Variants in LRRC58 observed in about 807,000 individuals in gnomAD.
The protein encoded by LRRC58 is leucine-rich repeat-containing protein 58.
A neutral mutation model predicts 30.6 loss-of-function variants in LRRC58; 18 were observed. The observed-to-expected ratio is 0.59, with a 90% CI of 0.41 to 0.87. LRRC58 has a LOEUF of 0.87. Among genes scored for constraint, LRRC58 ranks in the 40% least tolerant of loss-of-function variants. LRRC58 has a pLI of 0.00. For missense variants in LRRC58, 420 were observed against 468.4 expected (o/e 0.90, Z 0.95); for synonymous variants, 221 against 206.0 (o/e 1.07, Z -0.62).
intron 1 of LRRC58, among the ~76,000 whole-genome samples, chr3:120,346,226 C>T (rs1469749369): frequency 6.6e-6 from 1 of 152,082 alleles, no homozygotes; most frequent in Non-Finnish European, 1.5e-5. Context: ...CACTGCACTC[C>T]AGCCTGGGCA....
chr3:120,332,964 G>A (rs2107621793), intron 3 of LRRC58, among the ~76,000 whole-genome samples: 1 of 152,060 alleles, frequency 6.6e-6, no homozygotes, highest in East Asian at 1.9e-4. Flanking sequence ...TGCCTAGGCT[G>A]GTCTCAAACT....
In LRRC58 at chr3:120,324,761, A is replaced by G. The variant is rs1935650671; in HGVS notation, c.*6439T>C. 1 of 152,194 alleles carries G rather than the reference A, an allele frequency of 6.6e-6. No individual in the cohort carries two copies. The highest frequency in any genetic ancestry group is 2.1e-4 in the South Asian group (1 of 4,826). The allele number at this position is 152,194 out of a possible 1,614,324, so 9.4% of individuals were successfully genotyped here. On this transcript the variant is annotated 3_prime_UTR_variant, in exon 4 of 4. Coordinates refer to ENST00000295628, the MANE Select transcript of LRRC58 (RefSeq NM_001099678.2). ...TATTCTTTTAAGAGCATTTAGCATT[A>G]CAAGGCAATATATAAATTTGATATT...
intron 3 of LRRC58, 102 bp from the exon 4 acceptor site, chr3:120,331,510 T>C (rs958316378): frequency 1.2e-6 from 1 of 839,890 alleles, no homozygotes; most frequent in African/African-American, 1.7e-5. Context: ...TACACCATCT[T>C]CTGTTATGAA....
At chr3:120,345,745 C>T (rs1359615780) in intron 1 of LRRC58, among the ~76,000 whole-genome samples, 1 of 152,186 alleles carries the variant, frequency 6.6e-6, no homozygotes, top group African/African-American at 2.4e-5. Context: ...TAGCCTAAAC[C>T]TTTACCGATT....
intron 3 of LRRC58, among the ~76,000 whole-genome samples, chr3:120,332,564 TGG>T (rs1166036062): frequency 6.6e-6 from 1 of 152,208 alleles, no homozygotes; most frequent in Non-Finnish European, 1.5e-5. Context: ...TAAAGCATTA[TGG>T]GAGTTACTAC....
At chr3:120,341,940 C>T (rs899345666) in intron 1 of LRRC58, among the ~76,000 whole-genome samples, 1 of 152,126 alleles carries the variant, frequency 6.6e-6, no homozygotes, top group African/African-American at 2.4e-5. Flanking sequence ...CAGGCAGGAC[C>T]TGCCTTCCCG....
intron 1 of LRRC58, among the ~76,000 whole-genome samples, chr3:120,342,021 A>C (rs1935910174): frequency 6.6e-6 from 1 of 152,038 alleles, no homozygotes; most frequent in Non-Finnish European, 1.5e-5. Context: ...TGGGGGCCCC[A>C]GGAAGGATCC....
rs979354891 is a variant in LRRC58 at position 120,349,341 on chromosome 3, G to A, written c.-98C>T. On this transcript the variant is annotated 5_prime_UTR_variant, in exon 1 of 4. Transcript: ENST00000295628. ...CGGCGCCCCGGAACCTGAACCGAGG[G>A]CTGAGTCGGAAGTGGCGCGGGCGGG... 3 of 1,246,898 alleles carry A rather than the reference G, an allele frequency of 2.4e-6. No individual in the cohort carries two copies. The highest frequency in any genetic ancestry group is 3.2e-5 in the African/African-American group (2 of 63,216). The allele number at this position is 1,246,898 out of a possible 1,614,324, so 77.2% of individuals were successfully genotyped here.
rs1935817048 is a variant in LRRC58, at chr3:120,335,151, G to A, written c.630-12C>T. On this transcript the variant is annotated splice_polypyrimidine_tract_variant and intron_variant, in intron 2 of 3. Transcript: ENST00000295628. The stretch of plus-strand genomic sequence containing the variant: ...GAAGTGAATGTAACCTAGAATAAAT[G>A]TAGTAGAAAAATCAATGGCAGTAAA... The A allele has an allele frequency of 3.7e-6, 6 of 1,604,106 alleles. 1 individual carries two copies. The East Asian group carries it at 1.3e-4, about 36-fold the overall frequency.
At position 120,340,188 on chromosome 3, in the gene LRRC58, T is replaced by C. The variant is rs184336517; in HGVS notation, c.501-4235A>G. ...TTAGCAGTTTTAACTTCAGGATCTA[T>C]CCTCTATGTCTTAATATTTCTTTCA... On this transcript the variant is annotated intron_variant, in intron 1 of 3. Coordinates refer to ENST00000295628, the MANE Select transcript of LRRC58 (RefSeq NM_001099678.2). Among the ~76,000 whole-genome samples the C allele has an allele frequency of 5.0e-3, 766 of 152,334 alleles. 7 individuals carry two copies. The highest frequency in any genetic ancestry group is 0.014 in the Middle Eastern group (4 of 294).
At chr3:120,343,556 T>C (rs932193923) in intron 1 of LRRC58, among the ~76,000 whole-genome samples, 5 of 152,256 alleles carry the variant, frequency 3.3e-5, no homozygotes, top group African/African-American at 1.2e-4. Flanking sequence ...CATTAATATA[T>C]TGACCTTAAA....
chr3:120,338,576 G>C (rs1935864383), intron 1 of LRRC58, among the ~76,000 whole-genome samples: 1 of 152,212 alleles, frequency 6.6e-6, no homozygotes, highest in Non-Finnish European at 1.5e-5. Context: ...GACAGAAAAA[G>C]TTTCTCTTAG....
chr3:120,347,563 T>G (rs1314613087), intron 1 of LRRC58, among the ~76,000 whole-genome samples: 4 of 150,068 alleles, frequency 2.7e-5, no homozygotes, highest in Admixed American at 2.7e-4. Context: ...GGCTAATTTT[T>G]TGTATTTTTA....
At chr3:120,346,013 G>C (rs962799575) in intron 1 of LRRC58, among the ~76,000 whole-genome samples, 4 of 152,192 alleles carry the variant, frequency 2.6e-5, no homozygotes, top group Admixed American at 6.5e-5. Flanking sequence ...AACACTTTGG[G>C]AGGCAGAGGT....
At position 120,335,939 on chromosome 3, in the gene LRRC58, T is replaced by C. The variant is rs1302266313; in HGVS notation, c.515A>G (p.Tyr172Cys). Residue 172 changes from tyrosine (Y) to cysteine (C), a missense_variant, in exon 2 of 4, where the codon TAT becomes TGT. Physicochemically the swap from Tyr to Cys is radical, Grantham distance 194. Transcript: ENST00000295628. The stretch of plus-strand genomic sequence containing the variant: ...TTCTTTAATGAAATTTCCTCCAAGA[T>C]ATAAACACTCTAAACTGCAAAAATA... ...IENLQSLECLYLGGNFIKEIP... is the reference protein window; with the variant it reads ...IENLQSLECLCLGGNFIKEIP... The C allele has an allele frequency of 1.3e-6, 2 of 1,586,288 alleles. No individual in the cohort carries two copies. The highest frequency in any genetic ancestry group is 1.7e-6 in the Non-Finnish European group (2 of 1,156,604).
chr3:120,338,119 G>A (rs944043485), intron 1 of LRRC58, among the ~76,000 whole-genome samples: 39 of 152,152 alleles, frequency 2.6e-4, no homozygotes, highest in African/African-American at 8.7e-4. Flanking sequence ...CTGGGATTAC[G>A]GGCGTGAGCC....
At chr3:120,343,571 T>C (rs1373261566) in intron 1 of LRRC58, among the ~76,000 whole-genome samples, 1 of 152,212 alleles carries the variant, frequency 6.6e-6, no homozygotes, top group Non-Finnish European at 1.5e-5. Context: ...CTTAAAATTG[T>C]CTCTTGAAAA....
At position 120,329,283 on chromosome 3, in the gene LRRC58, G is replaced by A. The variant is rs141281821; in HGVS notation, c.*1917C>T. 209 of 152,208 alleles carry A rather than the reference G, an allele frequency of 1.4e-3. 1 individual carries two copies. The highest frequency in any genetic ancestry group is 4.9e-3 in the African/African-American group (204 of 41,552). The allele number at this position is 152,208 out of a possible 1,614,324, so 9.4% of individuals were successfully genotyped here. ...ATTTTACATTTGTCACTTAGGCACA[G>A]CCTAAGTCATCTTTACCTTTCATAA... is the stretch of plus-strand genomic sequence containing the variant. On this transcript the variant is annotated 3_prime_UTR_variant, in exon 4 of 4. Coordinates refer to ENST00000295628, the MANE Select transcript of LRRC58 (RefSeq NM_001099678.2).
At chr3:120,341,373 A>G (rs765991939) in intron 1 of LRRC58, among the ~76,000 whole-genome samples, 2 of 152,216 alleles carry the variant, frequency 1.3e-5, no homozygotes, top group Non-Finnish European at 2.9e-5. Flanking sequence ...TTTACAAAGG[A>G]TTTGATAGCT....
Sources: allele counts gnomAD v4.1 joint callset (sites outside exome capture counted in the v4.1 genomes callset), GRCh38; gene constraint gnomAD v4.1.1; transcripts MANE v1.5; gene names NCBI Gene and HGNC (gene_info 2026-07-23, HGNC 2026-07-21).